PBX3: variants seen among roughly 807,000 people sequenced by gnomAD.
PBX3 encodes PBX homeobox 3.
PBX3 carries 14 observed loss-of-function variants against 48.5 expected under a neutral mutation model. The observed-to-expected ratio is 0.29, with a 90% CI of 0.19 to 0.45. The LOEUF is 0.45. Among genes scored for constraint, PBX3 ranks in the 20% least tolerant of loss-of-function variants. The pLI is 1.00. For missense variants in PBX3, 386 were observed against 546.7 expected (o/e 0.71, Z 2.93); for synonymous variants, 210 against 200.3 (o/e 1.05, Z -0.41).
chr9:125,804,124 CAA>C (rs761697749), intron 2 of PBX3, among the ~76,000 whole-genome samples: 2 of 152,098 alleles, frequency 1.3e-5, no homozygotes, highest in Non-Finnish European at 2.9e-5. Context: ...TTGGGGATAA[CAA>C]AAGTTACTAG....
intron 2 of PBX3, among the ~76,000 whole-genome samples, chr9:125,761,561 C>T (rs980158073): frequency 3.3e-5 from 5 of 151,648 alleles, no homozygotes; most frequent in South Asian, 2.1e-4. Context: ...TGCATGTCTC[C>T]GTAACATTAG....
chr9:125,858,648 G>A (rs1383776335), intron 2 of PBX3, among the ~76,000 whole-genome samples: 1 of 115,904 alleles, frequency 8.6e-6, no homozygotes, highest in Non-Finnish European at 1.7e-5. Context: ...TTTTCAAGAT[G>A]AAGTTTCACT....
chr9:125,757,205 T>A (rs1836541695), intron 2 of PBX3, among the ~76,000 whole-genome samples: 1 of 152,084 alleles, frequency 6.6e-6, no homozygotes, highest in Non-Finnish European at 1.5e-5. Context: ...CAAGTGTCCT[T>A]AAATGAGGAA....
At chr9:125,916,066 A>G (rs1841325975) in intron 3 of PBX3, 139 bp downstream of exon 3, 2 of 1,266,562 alleles carry the variant, frequency 1.6e-6, no homozygotes, top group African/African-American at 3.0e-5. Context: ...CAAAAATCCA[A>G]GTGAATTGTT....
At chr9:125,928,327 T>G (rs1189675313) in intron 3 of PBX3, among the ~76,000 whole-genome samples, 1 of 151,970 alleles carries the variant, frequency 6.6e-6, no homozygotes, top group Non-Finnish European at 1.5e-5. Context: ...TGCAATGAAC[T>G]ATGATCATAC....
At chr9:125,833,815 T>C (rs1384847943) in intron 2 of PBX3, among the ~76,000 whole-genome samples, 1 of 152,220 alleles carries the variant, frequency 6.6e-6, no homozygotes, top group Non-Finnish European at 1.5e-5. Flanking sequence ...TATTTGTGTA[T>C]AAGTTTTTGT....
At chr9:125,949,530 A>G (rs13298715) in intron 5 of PBX3, 989,554 of 1,467,094 alleles carry the variant, frequency 0.67, 331,901 homozygotes, top group South Asian at 0.74. Flanking sequence ...TATACTGTGT[A>G]TATATATATA....
At chr9:125,858,556 T>C (rs960279409) in intron 2 of PBX3, among the ~76,000 whole-genome samples, 4 of 151,724 alleles carry the variant, frequency 2.6e-5, no homozygotes, top group Non-Finnish European at 5.9e-5. Context: ...CATTCAAAAG[T>C]GGTATTTCCA....
intron 2 of PBX3, among the ~76,000 whole-genome samples, chr9:125,787,113 C>T (rs1837477882): frequency 1.3e-5 from 2 of 152,228 alleles, no homozygotes; most frequent in South Asian, 4.1e-4. Flanking sequence ...GATCATGGCT[C>T]ACTGCAGCCT....
intron 2 of PBX3, among the ~76,000 whole-genome samples, chr9:125,848,609 C>T (rs1839494529): frequency 6.6e-6 from 1 of 151,896 alleles, no homozygotes; most frequent in South Asian, 2.1e-4. Context: ...CTACATTGTC[C>T]TCATTGACTT....
At chr9:125,929,499 A>G (rs913137008) in intron 3 of PBX3, among the ~76,000 whole-genome samples, 156 bp from the exon 4 acceptor site, 1 of 152,180 alleles carries the variant, frequency 6.6e-6, no homozygotes, top group Non-Finnish European at 1.5e-5. Context: ...CTTAACTACT[A>G]TTACTACCAT....
chr9:125,748,635 C>A lies in PBX3; in HGVS notation c.274+12C>A, dbSNP rs761945580. 6.2e-7 allele frequency: 1 copy of A among 1,609,972 alleles called. No homozygotes were observed. The highest frequency in any genetic ancestry group is 8.5e-7 in the Non-Finnish European group (1 of 1,177,686). On this transcript the variant is annotated intron_variant, in intron 2 of 8. Coordinates refer to ENST00000373489, the MANE Select transcript of PBX3 (RefSeq NM_006195.6). ...CAAAGAGAAAACAGGTAAGACGCTG[C>A]GCCCCGCAGTGGGCCTGGAGACCCC...
intron 2 of PBX3, among the ~76,000 whole-genome samples, chr9:125,899,534 AAG>A (rs1840891902): frequency 6.8e-6 from 1 of 147,128 alleles, no homozygotes; most frequent in African/African-American, 2.5e-5. Context: ...TAGGTACATG[AAG>A]AGAGGGGAGT....
At chr9:125,819,953 G>A (rs10819078) in intron 2 of PBX3, among the ~76,000 whole-genome samples, 5 of 151,896 alleles carry the variant, frequency 3.3e-5, no homozygotes, top group Non-Finnish European at 7.4e-5. Flanking sequence ...ATTCTTGGAG[G>A]ATTAATATGG....
At chr9:125,845,450 G>A (rs1230285396) in intron 2 of PBX3, among the ~76,000 whole-genome samples, 2 of 152,050 alleles carry the variant, frequency 1.3e-5, no homozygotes, top group Non-Finnish European at 2.9e-5. Context: ...CTGTTGTAAG[G>A]TAGAAAAATC....
rs528869216 is a variant in PBX3, at chr9:125,820,593, C to T, written c.274+71970C>T. Among the ~76,000 whole-genome samples the T allele has an allele frequency of 7.9e-5, 12 of 152,310 alleles. No homozygotes were observed. The East Asian group carries it at 1.3e-3, about 17-fold the overall frequency. On this transcript the variant is annotated intron_variant, in intron 2 of 8. Transcript: ENST00000373489. ...CACCAAGTGCTGTGATTCTGTCTGA[C>T]GTGTGAAGATTCAGACAGGCTGTCT...
intron 2 of PBX3, among the ~76,000 whole-genome samples, chr9:125,811,735 T>A (rs1274938122): frequency 6.6e-6 from 1 of 152,238 alleles, no homozygotes; most frequent in African/African-American, 2.4e-5. Flanking sequence ...TTTGCAGATG[T>A]CTACCTTCCT....
intron 2 of PBX3, among the ~76,000 whole-genome samples, chr9:125,897,738 C>T (rs969773607): frequency 1.3e-5 from 2 of 151,832 alleles, no homozygotes; most frequent in African/African-American, 4.8e-5. Flanking sequence ...TTTATGGGAG[C>T]TTTCCATAGA....
At chr9:125,820,434 C>T (rs762337239) in intron 2 of PBX3, among the ~76,000 whole-genome samples, 1 of 152,174 alleles carries the variant, frequency 6.6e-6, no homozygotes, top group Non-Finnish European at 1.5e-5. Flanking sequence ...TGTTCTCGCT[C>T]CCTCACTAAT....
Sources: allele counts gnomAD v4.1 joint callset (sites outside exome capture counted in the v4.1 genomes callset), GRCh38; gene constraint gnomAD v4.1.1; transcripts MANE v1.5; gene names NCBI Gene and HGNC (gene_info 2026-07-23, HGNC 2026-07-21).